RASGEF1A: variants seen among roughly 807,000 people sequenced by gnomAD.
RASGEF1A encodes RasGEF domain family member 1A.
In RASGEF1A, 18 loss-of-function variants were observed where a neutral mutation model predicts 56.4. The ratio of observed to expected loss-of-function variants is 0.32; its 90% CI spans 0.22 to 0.47. The LOEUF (loss-of-function observed/expected upper bound fraction) is 0.47, where lower values mean the gene tolerates loss of function less well. Among genes scored for constraint, RASGEF1A ranks in the 20% least tolerant of loss-of-function variants. The probability of loss-of-function intolerance (pLI) is 1.00; values close to 1 mark genes in which losing one functional copy is unlikely to be tolerated. For missense variants in RASGEF1A, 422 were observed against 627.1 expected (o/e 0.67, Z 3.49); for synonymous variants, 245 against 242.6 (o/e 1.01, Z -0.09).
chr10:43,205,168 C>T (rs1839975344), intron 2 of RASGEF1A, among the ~76,000 whole-genome samples: 1 of 152,176 alleles, frequency 6.6e-6, no homozygotes, highest in African/African-American at 2.4e-5. Context: ...CCCAGGCTGA[C>T]AAGCAGGGCA....
intron 1 of RASGEF1A, among the ~76,000 whole-genome samples, chr10:43,265,970 G>C (rs916781299): frequency 6.6e-6 from 1 of 152,256 alleles, no homozygotes; most frequent in Non-Finnish European, 1.5e-5. Context: ...CAGTGGTGGG[G>C]AGGGTGAACC....
chr10:43,226,045 C>T (rs1302079848), intron 1 of RASGEF1A, among the ~76,000 whole-genome samples: 2 of 152,176 alleles, frequency 1.3e-5, no homozygotes, highest in Non-Finnish European at 2.9e-5. Flanking sequence ...GGTTATTCCC[C>T]GAGGCTGAGA....
At position 43,200,168 on chromosome 10, in the gene RASGEF1A, C is replaced by T. The variant is rs41301583; in HGVS notation, c.756+14G>A. The T allele has an allele frequency of 6.3e-7, 1 of 1,583,882 alleles. No individual in the cohort carries two copies. The highest frequency in any genetic ancestry group is 8.6e-7 in the Non-Finnish European group (1 of 1,162,880). ...CAGGGCTGGCAGGGGTGCCACAGGC[C>T]TTGGCCCACTTACCCTGTGGTTGTC... On this transcript the variant is annotated intron_variant, in intron 6 of 12. Transcript: ENST00000395810.
intron 1 of RASGEF1A, among the ~76,000 whole-genome samples, chr10:43,212,766 TGGAGCTCAGCCTCAATACACCTCAGG>T (rs1256929248): frequency 6.6e-6 from 1 of 152,246 alleles, no homozygotes; most frequent in Non-Finnish European, 1.5e-5. Flanking sequence ...GGGTACGTTC[TGGAGCTCAGCCTCAATACACCTCAGG>T]GGAGAGGCAC....
chr10:43,202,679 G>GC (rs1490406882), intron 3 of RASGEF1A: 5 of 420,716 alleles, frequency 1.2e-5, no homozygotes, highest in Non-Finnish European at 1.9e-5. Context: ...CAACTCTGCA[G>GC]CTTTCTTCGC....
At position 43,266,871 on chromosome 10, in the gene RASGEF1A, C is replaced by A. The variant is rs1564547253; in HGVS notation, c.-33G>T. ...TCGGTCCGGGCCAGCGTCGCTCCCGCGCCGCCCTCGCGCCGCAGTCGGGCC... is the reference window on the plus strand; with the variant it reads ...TCGGTCCGGGCCAGCGTCGCTCCCGAGCCGCCCTCGCGCCGCAGTCGGGCC... On this transcript the variant is annotated 5_prime_UTR_variant, in exon 1 of 13. Coordinates refer to ENST00000395810, the MANE Select transcript of RASGEF1A (RefSeq NM_145313.4). 6.8e-6 allele frequency: 1 copy of A among 146,014 alleles called. No homozygotes were observed. The highest frequency in any genetic ancestry group is 1.5e-5 in the Non-Finnish European group (1 of 65,760). 9.0% of individuals were successfully genotyped at this position (146,014 alleles called of 1,614,324 possible).
At position 43,244,843 on chromosome 10, in the gene RASGEF1A, A is replaced by G. The variant is rs144853923; in HGVS notation, c.-7+22002T>C. On this transcript the variant is annotated intron_variant, in intron 1 of 12. Coordinates refer to ENST00000395810, the MANE Select transcript of RASGEF1A (RefSeq NM_145313.4). ...AGTTTAAAAATATATATATAAAACTATAAATGTCCACATTAAAAAACAGAA... is the reference window on the plus strand; with the variant it reads ...AGTTTAAAAATATATATATAAAACTGTAAATGTCCACATTAAAAAACAGAA... Among the ~76,000 whole-genome samples the G allele has an allele frequency of 4.0e-4, 61 of 152,284 alleles. 1 individual carries two copies. The highest frequency in any genetic ancestry group is 7.1e-4 in the Non-Finnish European group (48 of 68,016).
intron 1 of RASGEF1A, among the ~76,000 whole-genome samples, chr10:43,259,394 G>A (rs1448474586): frequency 6.6e-6 from 1 of 152,200 alleles, no homozygotes; most frequent in African/African-American, 2.4e-5. Context: ...GCAGCCTTCT[G>A]CAGAAGACTG....
intron 1 of RASGEF1A, among the ~76,000 whole-genome samples, chr10:43,256,029 C>A (rs373054116): frequency 2.6e-5 from 4 of 152,300 alleles, no homozygotes; most frequent in African/African-American, 9.6e-5. Flanking sequence ...TCTCTCCTGC[C>A]CCCTAGAGCT....
At chr10:43,205,173 A>G (rs1839975378) in intron 2 of RASGEF1A, among the ~76,000 whole-genome samples, 1 of 152,188 alleles carries the variant, frequency 6.6e-6, no homozygotes, top group South Asian at 2.1e-4. Context: ...GCTGACAAGC[A>G]GGGCAGGGAG....
At chr10:43,211,922 G>C (rs1840074443) in intron 1 of RASGEF1A, among the ~76,000 whole-genome samples, 1 of 152,230 alleles carries the variant, frequency 6.6e-6, no homozygotes, top group South Asian at 2.1e-4. Context: ...GTTGAAGGGA[G>C]AGACGGAAGC....
intron 1 of RASGEF1A, chr10:43,207,272 C>T (rs1840008967): frequency 2.0e-6 from 2 of 985,526 alleles, no homozygotes; most frequent in Non-Finnish European, 2.4e-6. Context: ...CTTAGTTTCC[C>T]CACTGCACAG....
At chr10:43,229,549 G>T in intron 1 of RASGEF1A, 1 of 1,181,384 alleles carries the variant, frequency 8.5e-7, no homozygotes, top group Non-Finnish European at 1.2e-6. Flanking sequence ...CACGGGTCGG[G>T]ATGCAGGGGA....
At chr10:43,223,130 A>G (rs1210313050) in intron 1 of RASGEF1A, among the ~76,000 whole-genome samples, 1 of 152,224 alleles carries the variant, frequency 6.6e-6, no homozygotes, top group Non-Finnish European at 1.5e-5. Context: ...TAGATGCCCA[A>G]GGGATGAAAA....
At chr10:43,226,233 G>A (rs1840278763) in intron 1 of RASGEF1A, among the ~76,000 whole-genome samples, 2 of 152,174 alleles carry the variant, frequency 1.3e-5, no homozygotes, top group Admixed American at 6.5e-5. Context: ...TCTGAGGTCA[G>A]GAGTTCGAAA....
intron 1 of RASGEF1A, among the ~76,000 whole-genome samples, chr10:43,265,149 C>T (rs1836601341): frequency 6.6e-6 from 1 of 152,232 alleles, no homozygotes; most frequent in African/African-American, 2.4e-5. Context: ...CCTCCTCCTC[C>T]TCCCCTGCCT....
chr10:43,196,652 T>C lies in RASGEF1A; in HGVS notation c.1349-104A>G. ...AGCCCAGCACAAGGGGACAGTGACC[T>C]CTGGCTGGGCTGAACACAGTTCTCT... is the stretch of plus-strand genomic sequence containing the variant. On this transcript the variant is annotated intron_variant, in intron 11 of 12. Transcript: ENST00000395810. This position sits in a 1 kb window ranked among gnomAD's most constrained non-coding sequence, Gnocchi z 4.6. 1 of 1,104,696 alleles carries C rather than the reference T, an allele frequency of 9.1e-7. No homozygotes were observed. The highest frequency in any genetic ancestry group is 1.2e-5 in the South Asian group (1 of 80,224). The allele number at this position is 1,104,696 out of a possible 1,614,324, so 68.4% of individuals were successfully genotyped here.
At chr10:43,238,994 A>C (rs951513838) in intron 1 of RASGEF1A, among the ~76,000 whole-genome samples, 1 of 152,226 alleles carries the variant, frequency 6.6e-6, no homozygotes, top group African/African-American at 2.4e-5. Flanking sequence ...CTCTCGAAGA[A>C]GGGGTATTAT....
rs996142820 is a variant in RASGEF1A, at chr10:43,206,744, C to T, written c.-6-622G>A. 62 of 986,132 alleles carry T rather than the reference C, an allele frequency of 6.3e-5. 1 individual carries two copies. The African/African-American group carries it at 7.5e-4, about 12-fold the overall frequency. The allele number at this position is 986,132 out of a possible 1,614,324, so 61.1% of individuals were successfully genotyped here. Reference sequence around the variant, plus strand: ...CCCAAGGAGAGCTTGCTCAGGCAGGCGGTAGCAGGAGTGGCGAGCAGGGCC... The same window carrying T: ...CCCAAGGAGAGCTTGCTCAGGCAGGTGGTAGCAGGAGTGGCGAGCAGGGCC... On this transcript the variant is annotated intron_variant, in intron 1 of 12. Transcript: ENST00000395810.
Sources: allele counts gnomAD v4.1 joint callset (sites outside exome capture counted in the v4.1 genomes callset), GRCh38; gene constraint gnomAD v4.1.1; non-coding constraint Gnocchi (gnomAD v3.1); transcripts MANE v1.5; gene names NCBI Gene and HGNC (gene_info 2026-07-23, HGNC 2026-07-21).